CA8: variants seen among roughly 807,000 people sequenced by gnomAD.
CA8 encodes the protein carbonic anhydrase-related protein.
In CA8, 22 loss-of-function variants were observed where a neutral mutation model predicts 41.4. The observed-to-expected ratio is 0.53, with a 90% confidence interval of 0.38 to 0.76. The LOEUF is 0.76. Ranked by LOEUF, CA8 falls within the 30% of genes least tolerant of loss-of-function variation. CA8 has a pLI of 0.00. For synonymous variants in CA8, 121 were observed against 130.6 expected (o/e 0.93, Z 0.50); for missense variants, 270 against 352.8 (o/e 0.77, Z 1.88).
chr8:60,192,754 A>G (rs1435351524), intron 8 of CA8, among the ~76,000 whole-genome samples: 2 of 152,194 alleles, frequency 1.3e-5, no homozygotes, highest in South Asian at 4.1e-4. Context: ...TTATGAAACT[A>G]TCAGTCCCTT....
rs758408007 is a variant in CA8, at chr8:60,222,633, A to G, written c.738+16T>C. 8 of 1,442,394 alleles carry G rather than the reference A, an allele frequency of 5.5e-6. No homozygotes were observed. The highest frequency in any genetic ancestry group is 1.7e-4 in the Middle Eastern group (1 of 5,792). The allele number at this position is 1,442,394 out of a possible 1,614,324, so 89.3% of individuals were successfully genotyped here. ...CTCAGAACTTCACTCTGAAAGATTC[A>G]AAGTAGCACACTCACCTGTAGCTGG... On this transcript the variant is annotated intron_variant, in intron 7 of 8. Transcript: ENST00000317995.
At chr8:60,242,508 G>T (rs1045961653) in intron 3 of CA8, among the ~76,000 whole-genome samples, 8 of 152,340 alleles carry the variant, frequency 5.3e-5, no homozygotes, top group South Asian at 2.1e-4. Flanking sequence ...ACTGCACAGT[G>T]TGAGTATTCA....
intron 8 of CA8, among the ~76,000 whole-genome samples, chr8:60,202,294 G>A (rs950495528): frequency 1.3e-4 from 19 of 150,180 alleles, no homozygotes; most frequent in African/African-American, 4.2e-4. Flanking sequence ...CTCATGATCC[G>A]CCTGCCTCAG....
chr8:60,230,816 G>A (rs555246446), intron 4 of CA8, among the ~76,000 whole-genome samples: 8 of 152,126 alleles, frequency 5.3e-5, no homozygotes, highest in South Asian at 2.1e-4. Context: ...TTTTCAGTCC[G>A]GGGCTCTACG....
intron 7 of CA8, among the ~76,000 whole-genome samples, chr8:60,217,058 A>T (rs968480860): frequency 1.2e-4 from 18 of 151,954 alleles, no homozygotes; most frequent in African/African-American, 2.7e-4. Context: ...TAATTTTTGT[A>T]TCTTTAGTAG....
chr8:60,240,812 C>T (rs1364155502), intron 3 of CA8, among the ~76,000 whole-genome samples: 1 of 152,064 alleles, frequency 6.6e-6, no homozygotes, highest in Admixed American at 6.6e-5. Flanking sequence ...CCCACCCAGG[C>T]TCTGCCACAC....
intron 3 of CA8, among the ~76,000 whole-genome samples, chr8:60,246,485 G>A (rs1405936310): frequency 6.6e-6 from 1 of 151,818 alleles, no homozygotes; most frequent in Non-Finnish European, 1.5e-5. Context: ...CTTTTAGTGA[G>A]ATGGGTTTCG....
intron 8 of CA8, among the ~76,000 whole-genome samples, chr8:60,191,484 T>TA (rs748838620): frequency 8.5e-5 from 13 of 152,052 alleles, no homozygotes; most frequent in Non-Finnish European, 2.9e-5. Flanking sequence ...GAATCCATGT[T>TA]AAAAAATACT....
chr8:60,225,075 G>A (rs1425455168), intron 5 of CA8, among the ~76,000 whole-genome samples: 1 of 151,972 alleles, frequency 6.6e-6, no homozygotes, highest in African/African-American at 2.4e-5. Context: ...ATCTATGCTA[G>A]ATGCTCTCCT....
intron 5 of CA8, among the ~76,000 whole-genome samples, chr8:60,225,620 C>T (rs1427564783): frequency 6.6e-6 from 1 of 152,184 alleles, no homozygotes; most frequent in Non-Finnish European, 1.5e-5. Flanking sequence ...GTTCAGGATA[C>T]CCTGGGCTGT....
intron 3 of CA8, among the ~76,000 whole-genome samples, chr8:60,256,352 CCTGA>C (rs1371420220): frequency 8.5e-5 from 13 of 152,132 alleles, no homozygotes; most frequent in Non-Finnish European, 1.0e-4. Context: ...TGCCACTCTC[CCTGA>C]CTAAGAATTT....
At chr8:60,263,301 G>A (rs527690946) in intron 3 of CA8, among the ~76,000 whole-genome samples, 21 of 146,162 alleles carry the variant, frequency 1.4e-4, no homozygotes, top group East Asian at 4.0e-4. Context: ...TAGCCTGGGC[G>A]ACAGGGCAAG....
intron 3 of CA8, among the ~76,000 whole-genome samples, chr8:60,243,520 A>T (rs573138170): frequency 6.6e-6 from 1 of 151,446 alleles, no homozygotes; most frequent in East Asian, 1.9e-4. Flanking sequence ...CTCCACTCCC[A>T]TCACCACCTC....
intron 5 of CA8, 53 bp from the exon 6 acceptor site, chr8:60,224,638 A>G (rs977800054): frequency 8.8e-7 from 1 of 1,136,268 alleles, no homozygotes; most frequent in Non-Finnish European, 1.3e-6. Context: ...TCTAGATTTT[A>G]GAATAAAAAA....
At chr8:60,227,755 C>T (rs935662727) in intron 4 of CA8, among the ~76,000 whole-genome samples, 2 of 151,916 alleles carry the variant, frequency 1.3e-5, no homozygotes, top group African/African-American at 4.8e-5. Context: ...TTATAACTAC[C>T]CTTCTATTCT....
Position 60,247,289 on chromosome 8 carries a change from GC to G in CA8, c.418-14911del, listed in dbSNP as rs201115322. ...AGGATTGTTACATAGGTATACATAT[GC>G]CGGATTGTTACATAGGTATACATAT... On this transcript the variant is annotated intron_variant, in intron 3 of 8. Coordinates refer to ENST00000317995, the MANE Select transcript of CA8 (RefSeq NM_004056.6). Among the ~76,000 whole-genome samples, 1,230 of 149,510 alleles carry G rather than the reference GC, an allele frequency of 8.2e-3. 16 individuals carry two copies. Among genetic ancestry groups the G allele is most frequent in the African/African-American group, 0.03 (1,158 of 39,080 alleles).
At chr8:60,213,866 C>A (rs535255814) in intron 7 of CA8, among the ~76,000 whole-genome samples, 1 of 151,994 alleles carries the variant, frequency 6.6e-6, no homozygotes, top group Non-Finnish European at 1.5e-5. Flanking sequence ...TCACACGCAC[C>A]TTCAGGACCT....
intron 3 of CA8, among the ~76,000 whole-genome samples, chr8:60,233,831 A>C (rs1807741492): frequency 1.3e-5 from 2 of 152,176 alleles, no homozygotes; most frequent in Non-Finnish European, 2.9e-5. Context: ...CCACAAAAGC[A>C]TGGGTTTTTC....
intron 2 of CA8, among the ~76,000 whole-genome samples, 153 bp from the exon 3 acceptor site, chr8:60,266,202 G>C (rs1195324399): frequency 1.3e-5 from 2 of 152,126 alleles, no homozygotes; most frequent in African/African-American, 4.8e-5. Flanking sequence ...ACAACTGTGA[G>C]GTGAATTTAA....
Sources: allele counts gnomAD v4.1 joint callset (sites outside exome capture counted in the v4.1 genomes callset), GRCh38; gene constraint gnomAD v4.1.1; transcripts MANE v1.5; gene names NCBI Gene and HGNC (gene_info 2026-07-23, HGNC 2026-07-21).